Variants in AHNAK observed in about 807,000 individuals in gnomAD.
AHNAK encodes neuroblast differentiation-associated protein AHNAK.
Under a neutral mutation model 37.8 loss-of-function variants are expected in AHNAK, and 23 were observed. The observed-to-expected ratio is 0.61, with a 90% CI of 0.44 to 0.86. The LOEUF is 0.86. Among genes scored for constraint, AHNAK ranks in the 40% least tolerant of loss-of-function variants. AHNAK has a pLI of 0.00. For missense variants in AHNAK, 7,411 were observed against 7,319.4 expected (o/e 1.01, Z -0.46); for synonymous variants, 2,481 against 2,636.3 (o/e 0.94, Z 1.80).
At chr11:62,544,470 T>G (rs1941241842) in intron 1 of AHNAK, among the ~76,000 whole-genome samples, 1 of 152,076 alleles carries the variant, frequency 6.6e-6, no homozygotes, top group Non-Finnish European at 1.5e-5. Context: ...GGACAAAGGC[T>G]TTAGAGAGGG....
intron 5 of AHNAK, among the ~76,000 whole-genome samples, chr11:62,471,619 C>T (rs73498078): frequency 0.052 from 7,918 of 152,198 alleles, 728 homozygotes; most frequent in African/African-American, 0.18. Flanking sequence ...TTTTGGATTT[C>T]GGATTTTTGG....
intron 5 of AHNAK, among the ~76,000 whole-genome samples, chr11:62,454,396 G>A (rs1248868495): frequency 7.1e-6 from 1 of 141,476 alleles, no homozygotes; most frequent in Admixed American, 7.2e-5. Flanking sequence ...TTGGGCGACA[G>A]AGCGAGACTC....
chr11:62,464,525 G>A (rs571684663), intron 5 of AHNAK, among the ~76,000 whole-genome samples: 38 of 152,112 alleles, frequency 2.5e-4, no homozygotes, highest in African/African-American at 7.5e-4. Flanking sequence ...AAAATTAGCC[G>A]GGCGTGGTGC....
At position 62,474,332 on chromosome 11, in the gene AHNAK, A is replaced by G. The variant is rs545850607; in HGVS notation, c.442+17400T>C. ...CCTGAGTAGCTGGGATTACAGGTGC[A>G]TGCCACCACGCCCAGCTAATTTTTA... On this transcript the variant is annotated intron_variant, in intron 5 of 5. Coordinates refer to the AHNAK transcript ENST00000257247. 1.8e-4 allele frequency among the ~76,000 whole-genome samples: 27 copies of G among 151,916 alleles called. No homozygotes were observed. In the East Asian group the frequency reaches 5.1e-3, roughly 28 times the overall value.
chr11:62,532,641 G>A lies in AHNAK; in HGVS notation c.1776C>T (p.Pro592=), dbSNP rs745427745. 6.2e-7 allele frequency: 1 copy of A among 1,613,956 alleles called. No individual in the cohort carries two copies. Among genetic ancestry groups the A allele is most frequent in the Non-Finnish European group, 8.5e-7 (1 of 1,180,012 alleles). ...KVKGGVDVTL[P]RVEGKVKVPE... is the part of the protein sequence containing the mutation. ...GGACTTTGACTTTCCCTTCTACTCT[G>A]GGGAGTGTGACATCTACACCCCCTT... The change falls in exon 5 of 5, where the codon CCC becomes CCT. Residue 592 remains proline (P), a synonymous_variant. Coordinates refer to ENST00000378024, the MANE Select transcript of AHNAK (RefSeq NM_001620.3).
intron 1 of AHNAK, among the ~76,000 whole-genome samples, chr11:62,543,987 G>A (rs750598301): frequency 8.5e-5 from 13 of 152,100 alleles, no homozygotes; most frequent in Non-Finnish European, 1.6e-4. Context: ...TCTGTCTCCA[G>A]GCAGTTCCCA....
chr11:62,523,297 A>C lies in AHNAK; in HGVS notation c.11120T>G (p.Ile3707Ser). The C allele has an allele frequency of 6.2e-7, 1 of 1,614,046 alleles. No individual in the cohort carries two copies. Among genetic ancestry groups the C allele is most frequent in the East Asian group, 2.2e-5 (1 of 44,882 alleles). Residue 3707 changes from isoleucine to serine, a missense_variant, in exon 5 of 5, where the codon ATC (isoleucine) becomes AGC (serine). Physicochemically the swap from Ile to Ser is moderately radical, Grantham distance 142. Transcript: ENST00000378024. ...EGDLKGPEVD[I>S]KGPKVDIDTP... ...GTCAATGTCCACTTTGGGGCCCTTG[A>C]TGTCCACCTCAGGGCCTTTTAGATC...
chr11:62,517,614 T>C lies in AHNAK; in HGVS notation c.16803A>G (p.Gln5601=), dbSNP rs1191102365. 1.2e-6 allele frequency: 2 copies of C among 1,614,034 alleles called. No homozygotes were observed. Among genetic ancestry groups the C allele is most frequent in the African/African-American group, 2.7e-5 (2 of 74,910 alleles). ...KGSGGEWKGP[Q]VSSALNLDTS... is the part of the protein sequence containing the mutation. Reference sequence around the variant, plus strand: ...TGTCCAAGTTGAGAGCAGAGGAGACTTGGGGTCCCTTCCACTCACCCCCGG... The same window carrying C: ...TGTCCAAGTTGAGAGCAGAGGAGACCTGGGGTCCCTTCCACTCACCCCCGG... Residue 5601 remains glutamine (Q), a synonymous_variant, in exon 5 of 5, where the codon CAA becomes CAG. Transcript: ENST00000378024.
In AHNAK at chr11:62,524,821, T is replaced by C; in HGVS notation, c.9596A>G (p.Asp3199Gly). 1.2e-6 allele frequency: 2 copies of C among 1,614,244 alleles called. No homozygotes were observed. Among genetic ancestry groups the C allele is most frequent in the Non-Finnish European group, 1.7e-6 (2 of 1,180,048 alleles). ...GAATTTAGGGCCCTTCAGTTTCGCA[T>C]CTGGACCTTCAATATTCACATCTGG... The part of the protein sequence containing the change: ...DVPDVNIEGP[D>G]AKLKGPKFKM... Residue 3199 changes from aspartate to glycine, a missense_variant, in exon 5 of 5, where the codon GAT becomes GGT. Transcript: ENST00000378024.
chr11:62,475,140 T>C, intron 5 of AHNAK, among the ~76,000 whole-genome samples: 1 of 152,098 alleles, frequency 6.6e-6, no homozygotes, highest in East Asian at 1.9e-4. Context: ...CTGTCTCTAC[T>C]AAAAATACAA....
Position 62,521,892 on chromosome 11 carries a change from T to C in AHNAK, c.12525A>G (p.Pro4175=). 1.2e-6 allele frequency: 2 copies of C among 1,607,224 alleles called. No homozygotes were observed. Among genetic ancestry groups the C allele is most frequent in the Non-Finnish European group, 1.7e-6 (2 of 1,177,622 alleles). ...AGTCTGGGCCTTGAACGTCCACATC[T>C]GGGACATCAATGTCCACTTTGGGGC... The part of the protein sequence containing the change: ...IKGPKVDIDV[P]DVDVQGPDWH... The change falls in exon 5 of 5, where the codon CCA becomes CCG. Residue 4175 remains proline, a synonymous_variant. Transcript: ENST00000378024.
At chr11:62,545,268 C>T (rs1941270593) in intron 1 of AHNAK, among the ~76,000 whole-genome samples, 1 of 152,262 alleles carries the variant, frequency 6.6e-6, no homozygotes, top group Non-Finnish European at 1.5e-5. Flanking sequence ...CCTCAGTGGC[C>T]TCATTGTGCA....
Position 62,528,811 on chromosome 11 carries a change from A to ACTTTGGGGC in AHNAK, c.5597_5605dup (p.Gly1866_Lys1868dup), listed in dbSNP as rs768534371. ...CACCGACACATCCGCATCCCCTTTG[A>ACTTTGGGGC]CTTTGGGGCCTTTCAGGTGTAAGTC... On this transcript the variant is annotated inframe_insertion, in exon 5 of 5. Coordinates refer to ENST00000378024, the MANE Select transcript of AHNAK (RefSeq NM_001620.3). 1.2e-6 allele frequency: 2 copies of ACTTTGGGGC among 1,611,292 alleles called. No individual in the cohort carries two copies. The highest frequency in any genetic ancestry group is 1.3e-5 in the African/African-American group (1 of 74,086).
At chr11:62,473,542 G>A (rs1199714979) in intron 5 of AHNAK, among the ~76,000 whole-genome samples, 1 of 152,000 alleles carries the variant, frequency 6.6e-6, no homozygotes, top group Non-Finnish European at 1.5e-5. Flanking sequence ...ACAATTAGTC[G>A]GGCGTGGTGG....
intron 1 of AHNAK, among the ~76,000 whole-genome samples, chr11:62,544,279 CT>C (rs1274002276): frequency 1.2e-4 from 19 of 152,218 alleles, no homozygotes; most frequent in Non-Finnish European, 2.4e-4. Context: ...TGTCCCACCC[CT>C]GGCCCTGGAC....
chr11:62,485,675 CT>C (rs1335940994), intron 5 of AHNAK, among the ~76,000 whole-genome samples: 1 of 137,244 alleles, frequency 7.3e-6, no homozygotes, highest in East Asian at 2.1e-4. Flanking sequence ...GCACTCCAGC[CT>C]GGGCAATACA....
chr11:62,537,107 C>T (rs1374606509), intron 1 of AHNAK, among the ~76,000 whole-genome samples: 2 of 151,922 alleles, frequency 1.3e-5, no homozygotes, highest in African/African-American at 4.8e-5. Context: ...GCGCCCGCCA[C>T]CATGCACCAC....
chr11:62,490,764 CATTCCATA>C (rs1939492335), intron 5 of AHNAK, among the ~76,000 whole-genome samples: 2 of 152,058 alleles, frequency 1.3e-5, no homozygotes, highest in Non-Finnish European at 2.9e-5. Context: ...AGAGGCCATA[CATTCCATA>C]TTTTTGTTTA....
intron 5 of AHNAK, among the ~76,000 whole-genome samples, chr11:62,485,069 G>A (rs1431759570): frequency 2.0e-5 from 3 of 152,126 alleles, no homozygotes; most frequent in African/African-American, 4.8e-5. Flanking sequence ...GATTACAGGC[G>A]TGAGCCACCG....
Sources: gnomAD v4.1 joint callset for allele counts (sites outside exome capture counted in the v4.1 genomes callset) on GRCh38, gnomAD v4.1.1 for gene constraint, MANE v1.5 for transcripts, NCBI Gene and HGNC (gene_info 2026-07-23, HGNC 2026-07-21) for gene names.